RPRD2: variants seen among roughly 807,000 people sequenced by gnomAD.
RPRD2 encodes regulation of nuclear pre-mRNA domain-containing protein 2.
In RPRD2, 12 loss-of-function variants were observed where a neutral mutation model predicts 104.4. The observed-to-expected ratio is 0.11, with a 90% confidence interval of 0.07 to 0.19. The LOEUF is 0.19. RPRD2 is among the 10% of genes least tolerant of loss of function. RPRD2 has a pLI of 1.00. For missense variants in RPRD2, 1,543 were observed against 1,790.1 expected, an observed-to-expected ratio of 0.86 and a Z score of 2.49; for synonymous variants, 714 against 684.9, an observed-to-expected ratio of 1.04 and a Z score of -0.66.
intron 1 of RPRD2, among the ~76,000 whole-genome samples, chr1:150,395,072 G>A (rs1553883900): frequency 6.6e-6 from 1 of 152,058 alleles, no homozygotes; most frequent in African/African-American, 2.4e-5. Flanking sequence ...GTTCTTTAAT[G>A]GTGATTTGTG....
At chr1:150,443,907 A>C (rs1666578796) in intron 5 of RPRD2, among the ~76,000 whole-genome samples, 1 of 151,918 alleles carries the variant, frequency 6.6e-6, no homozygotes, top group African/African-American at 2.4e-5. Context: ...AGTCCCAGCT[A>C]CTCAGGAGGC....
intron 1 of RPRD2, among the ~76,000 whole-genome samples, chr1:150,408,445 C>T (rs939615490): frequency 2.3e-4 from 35 of 152,070 alleles, no homozygotes; most frequent in African/African-American, 8.2e-4. Flanking sequence ...TGAGCCACCG[C>T]GCCTGGCCCG....
intron 2 of RPRD2, among the ~76,000 whole-genome samples, chr1:150,424,363 C>A (rs1199237547): frequency 2.0e-5 from 3 of 151,960 alleles, no homozygotes; most frequent in Non-Finnish European, 2.9e-5. Context: ...GATCTCGGCT[C>A]ACTGCAACCT....
At chr1:150,367,880 G>A (rs1490694473) in intron 1 of RPRD2, among the ~76,000 whole-genome samples, 5 of 152,044 alleles carry the variant, frequency 3.3e-5, no homozygotes, top group South Asian at 2.1e-4. Context: ...GCACCACCAC[G>A]TCCAGCTAAT....
Position 150,387,567 on chromosome 1 carries a change from C to CTTTTTTTTTTT in RPRD2, c.205+22679_205+22689dup, listed in dbSNP as rs562476167. On this transcript the variant is annotated intron_variant, in intron 1 of 10. Transcript: ENST00000369068. Reference sequence around the variant, plus strand: ...AAATCTTACAGAAGTTGCAACAGACCTTTTTTTTTTTTTTTTTTTTTTTTT... The same window carrying CTTTTTTTTTTT: ...AAATCTTACAGAAGTTGCAACAGACCTTTTTTTTTTTTTTTTTTTTTTTTTTTTTTTTTTTT... 1.1e-3 allele frequency among the ~76,000 whole-genome samples: 78 copies of CTTTTTTTTTTT among 73,770 alleles called. 6 individuals carry two copies. Among genetic ancestry groups the CTTTTTTTTTTT allele is most frequent in the Non-Finnish European group, 1.4e-3 (56 of 40,528 alleles). 48.4% of individuals were successfully genotyped at this position (73,770 alleles called of 152,430 possible).
At chr1:150,402,156 C>T (rs1215600292) in intron 1 of RPRD2, among the ~76,000 whole-genome samples, 1 of 152,002 alleles carries the variant, frequency 6.6e-6, no homozygotes, top group Non-Finnish European at 1.5e-5. Context: ...GACGGGGTTT[C>T]ACCATCTTGG....
chr1:150,438,641 A>AGT (rs1266708400), intron 2 of RPRD2, among the ~76,000 whole-genome samples: 4 of 151,744 alleles, frequency 2.6e-5, no homozygotes, highest in African/African-American at 9.7e-5. Flanking sequence ...AAAAAAAAAG[A>AGT]GTATGTTCTG....
chr1:150,464,707 A>T lies in RPRD2; in HGVS notation c.1592A>T (p.Gln531Leu). Residue 531 changes from glutamine (Q) to leucine (L), a missense_variant, in exon 10 of 11, where the codon CAG becomes CTG. By Grantham distance (113) the Gln-to-Leu change is moderately radical. Coordinates refer to ENST00000369068, the MANE Select transcript of RPRD2 (RefSeq NM_015203.5). ...ILSALSKTQT[Q>L]SAPALQGLSS... ...TCTGCACTTTCCAAAACCCAGACAC[A>T]GTCAGCCCCTGCACTGCAAGGTAAC... 6.2e-7 allele frequency: 1 copy of T among 1,612,840 alleles called. No individual in the cohort carries two copies.
At chr1:150,367,415 C>T (rs16836476) in intron 1 of RPRD2, among the ~76,000 whole-genome samples, 4,706 of 84,050 alleles carry the variant, frequency 0.056, 262 homozygotes, top group African/African-American at 0.12. Context: ...TATCTTTGGA[C>T]TCTGAGTTTG....
intron 1 of RPRD2, among the ~76,000 whole-genome samples, chr1:150,406,311 T>G (rs1353512278): frequency 5.9e-5 from 9 of 152,176 alleles, no homozygotes. Flanking sequence ...TACCCCCATG[T>G]TAAGGAGGGA....
At chr1:150,368,265 TG>T (rs1660002854) in intron 1 of RPRD2, among the ~76,000 whole-genome samples, 1 of 149,978 alleles carries the variant, frequency 6.7e-6, no homozygotes, top group African/African-American at 2.4e-5. Flanking sequence ...TACATGTATC[TG>T]TTTTTTATTT....
chr1:150,454,201 A>AT (rs1667371720), intron 7 of RPRD2, among the ~76,000 whole-genome samples: 1 of 152,010 alleles, frequency 6.6e-6, no homozygotes, highest in South Asian at 2.1e-4. Flanking sequence ...CAGTCCTCTA[A>AT]TTTTTGCCTG....
intron 1 of RPRD2, among the ~76,000 whole-genome samples, chr1:150,377,193 G>C (rs1254674687): frequency 1.3e-5 from 2 of 151,606 alleles, no homozygotes; most frequent in Non-Finnish European, 2.9e-5. Context: ...CCTGGTGACA[G>C]AGCGAGACTA....
At chr1:150,411,655 G>A (rs57093538) in intron 1 of RPRD2, among the ~76,000 whole-genome samples, 1 of 107,902 alleles carries the variant, frequency 9.3e-6, no homozygotes, top group Non-Finnish European at 1.9e-5. Flanking sequence ...GCCAGGCGTG[G>A]TGATGCGCAC....
rs142336167 is a variant in RPRD2, at chr1:150,476,474, GAAAAC to G, written c.*3148_*3152del. The G allele has an allele frequency of 4.5e-4, 69 of 152,270 alleles. 1 individual carries two copies. In the East Asian group the frequency reaches 0.01, roughly 23 times the overall value. The allele number at this position is 152,270 out of a possible 1,614,324, so 9.4% of individuals were successfully genotyped here. On this transcript the variant is annotated 3_prime_UTR_variant, in exon 11 of 11. Coordinates refer to ENST00000369068, the MANE Select transcript of RPRD2 (RefSeq NM_015203.5). ...TTGATATTCTCACGTGTTCGGTGTG[GAAAAC>G]AAAACAAGTACATGCTTTAGAAGCA...
intron 5 of RPRD2, 93 bp from the exon 6 acceptor site, chr1:150,444,148 GTTTGTTTTGT>G (rs771139817): frequency 3.0e-4 from 352 of 1,173,406 alleles, no homozygotes; most frequent in Non-Finnish European, 3.7e-4. Context: ...GCTTTAGGGT[GTTTGTTTTGT>G]TTTGTTTTGT....
At chr1:150,390,583 C>T (rs1553882968) in intron 1 of RPRD2, among the ~76,000 whole-genome samples, 1 of 152,016 alleles carries the variant, frequency 6.6e-6, no homozygotes, top group East Asian at 1.9e-4. Context: ...CAAGGAACAA[C>T]TCTTAGACAG....
chr1:150,398,341 T>G (rs587648605), intron 1 of RPRD2, among the ~76,000 whole-genome samples: 1 of 151,494 alleles, frequency 6.6e-6, no homozygotes, highest in Non-Finnish European at 1.5e-5. Flanking sequence ...GGACTACAGG[T>G]GCCTGCCACC....
intron 1 of RPRD2, among the ~76,000 whole-genome samples, chr1:150,375,920 A>G (rs1357920126): frequency 6.6e-6 from 1 of 152,224 alleles, no homozygotes; most frequent in Non-Finnish European, 1.5e-5. Context: ...GGAAACAAAA[A>G]GTAGTTGTGT....
Sources: gnomAD v4.1 joint callset for allele counts (sites outside exome capture counted in the v4.1 genomes callset) on GRCh38, gnomAD v4.1.1 for gene constraint, MANE v1.5 for transcripts, NCBI Gene and HGNC (gene_info 2026-07-23, HGNC 2026-07-21) for gene names.